The following ADGRG4 variants were observed in gnomAD, a reference collection of about 807,000 sequenced individuals.
ADGRG4 encodes the protein G protein-coupled receptor 112.
In ADGRG4, 122 loss-of-function variants were observed where a neutral mutation model predicts 126.2. That is an observed-to-expected ratio of 0.97 (90% CI 0.83 to 1.12). ADGRG4 has a LOEUF of 1.12. ADGRG4 is among the 50% of genes most tolerant of loss of function. The pLI is 0.00. For missense variants in ADGRG4, 2,481 were observed against 2,251.8 expected, an observed-to-expected ratio of 1.10 and a Z score of -2.06; for synonymous variants, 943 against 838.7, an observed-to-expected ratio of 1.12 and a Z score of -2.15.
rs2075053062 is a variant in ADGRG4, at chrX:136,350,289, C to T, written c.6583C>T (p.Leu2195Phe). The T allele has an allele frequency of 8.3e-7, 1 of 1,209,034 alleles. No individual in the cohort carries two copies. The highest frequency in any genetic ancestry group is 1.7e-5 in the African/African-American group (1 of 57,225). ...TSTVPGASFP[L>F]ISTGVTYPFT... ...CACTGTTCCTGGAGCCTCATTTCCA[C>T]TCATATCCACTGGGGTGACATATCC... Residue 2195 changes from leucine to phenylalanine, a missense_variant, in exon 6 of 26, where the codon CTC becomes TTC. Leu to Phe is a conservative substitution (Grantham distance 22). Transcript: ENST00000394143.
At chrX:136,406,870 C>T (rs776395960) in intron 23 of ADGRG4, among the ~76,000 whole-genome samples, 34 of 107,209 alleles carry the variant, frequency 3.2e-4, no homozygotes, top group African/African-American at 1.1e-3. Context: ...GAGCTATGAT[C>T]GTGCCACTGC....
chrX:136,320,579 G>A (rs1475139103), intron 4 of ADGRG4, among the ~76,000 whole-genome samples: 3 of 111,642 alleles, frequency 2.7e-5, no homozygotes, highest in Non-Finnish European at 5.6e-5. Context: ...TTCTGCTTTT[G>A]TAAATTGCTT....
chrX:136,316,881 A>G (rs1396168670), intron 4 of ADGRG4, among the ~76,000 whole-genome samples: 1 of 111,769 alleles, frequency 8.9e-6, no homozygotes, highest in Non-Finnish European at 1.9e-5. Flanking sequence ...GCAGAGCACG[A>G]GTTCAGTATA....
chrX:136,374,413 A>G (rs2075213268), intron 15 of ADGRG4, among the ~76,000 whole-genome samples: 1 of 110,790 alleles, frequency 9.0e-6, no homozygotes, highest in African/African-American at 3.3e-5. Context: ...TCATAGGTAC[A>G]TGTTTATTAT....
rs2148467389 is a variant in ADGRG4, at chrX:136,347,820, A to G, written c.4114A>G (p.Ile1372Val). ...AGCTCTCCCCTCACAAGCTCTGACAATCACCACTTTTTTGTGTCCTGAAAA... is the reference window on the plus strand; with the variant it reads ...AGCTCTCCCCTCACAAGCTCTGACAGTCACCACTTTTTTGTGTCCTGAAAA... ...KTALPSQALT[I>V]TTFLCPEKES... The change falls in exon 6 of 26, where the codon ATC (isoleucine) becomes GTC (valine). Residue 1372 changes from isoleucine to valine, a missense_variant. Transcript: ENST00000394143. 1 of 1,209,434 alleles carries G rather than the reference A, an allele frequency of 8.3e-7. No homozygotes were observed. The highest frequency in any genetic ancestry group is 1.1e-6 in the Non-Finnish European group (1 of 893,578).
chrX:136,354,329 G>A (rs936638137), intron 8 of ADGRG4, among the ~76,000 whole-genome samples: 2 of 111,841 alleles, frequency 1.8e-5, no homozygotes, highest in African/African-American at 6.5e-5. Context: ...AGATCAAGGT[G>A]TTGGCAGGTT....
At chrX:136,367,924 T>C (rs897901454) in intron 13 of ADGRG4, among the ~76,000 whole-genome samples, 2 of 112,189 alleles carry the variant, frequency 1.8e-5, no homozygotes, top group African/African-American at 6.5e-5. Flanking sequence ...GTGCTCAATG[T>C]TTGTTACCTC....
At chrX:136,338,908 T>C (rs1458731111) in intron 5 of ADGRG4, among the ~76,000 whole-genome samples, 1 of 111,931 alleles carries the variant, frequency 8.9e-6, no homozygotes, top group Admixed American at 9.5e-5. Context: ...TGCTTCCAAA[T>C]ACAACTTAAT....
chrX:136,409,048 GACACACACACACAC>G (rs71995144), intron 23 of ADGRG4, among the ~76,000 whole-genome samples: 4 of 90,882 alleles, frequency 4.4e-5, no homozygotes, highest in Admixed American at 2.5e-4. Context: ...TCAAATTCAA[GACACACACACACAC>G]ACACACACAC....
intron 16 of ADGRG4, among the ~76,000 whole-genome samples, chrX:136,390,593 GAGA>G (rs1199185921): frequency 1.8e-5 from 2 of 111,589 alleles, no homozygotes; most frequent in Non-Finnish European, 3.8e-5. Context: ...ATAGGGCAAA[GAGA>G]AGGAGAGAAG....
chrX:136,381,746 C>T (rs2075265126), intron 15 of ADGRG4, among the ~76,000 whole-genome samples: 1 of 110,744 alleles, frequency 9.0e-6, no homozygotes, highest in African/African-American at 3.3e-5. Context: ...TATTAACTTA[C>T]ATGATCACAA....
At chrX:136,387,594 G>C in intron 15 of ADGRG4, 146 bp from the exon 16 acceptor site, 1 of 488,704 alleles carries the variant, frequency 2.0e-6, no homozygotes, top group Non-Finnish European at 3.5e-6. Flanking sequence ...GTGTGTGTGT[G>C]AAAAGTGTAT....
At chrX:136,356,077 T>G in intron 8 of ADGRG4, 49 bp from the exon 9 acceptor site, 2 of 980,651 alleles carry the variant, frequency 2.0e-6, no homozygotes, top group South Asian at 4.2e-5. Context: ...CCCTGTATAC[T>G]TGGTACTATA....
chrX:136,377,907 C>T (rs760509931), intron 15 of ADGRG4, among the ~76,000 whole-genome samples: 3 of 107,716 alleles, frequency 2.8e-5, no homozygotes, highest in Non-Finnish European at 5.7e-5. Context: ...GTGTTGAAGT[C>T]AGGTAATATG....
In ADGRG4 at chrX:136,345,308, T is replaced by C; in HGVS notation, c.1602T>C (p.Asp534=). The C allele has an allele frequency of 2.5e-6, 3 of 1,210,615 alleles. No individual in the cohort carries two copies. Residue 534 remains aspartate, a synonymous_variant, in exon 6 of 26, where the codon GAT becomes GAC. Coordinates refer to ENST00000394143, the MANE Select transcript of ADGRG4 (RefSeq NM_153834.4). ...AATTGACATCTACAAATTTTCAGGA[T>C]GTCTCTTTACCCAGAGTGGAAGATG... ...ETELTSTNFQ[D]VSLPRVEDAM... is the part of the protein sequence containing the mutation.
Position 136,361,547 on chromosome X carries a change from A to C in ADGRG4, c.7237A>C (p.Arg2413=). 2 of 1,189,243 alleles carry C rather than the reference A, an allele frequency of 1.7e-6. No homozygotes were observed. The part of the protein sequence containing the change: ...LTNPTETAQT[R]CIKNEDGNAT... ...CAACCCTACGGAGACAGCCCAAACCAGATGCATAAAAAATGAGGATGGAAA... is the reference window on the plus strand; with the variant it reads ...CAACCCTACGGAGACAGCCCAAACCCGATGCATAAAAAATGAGGATGGAAA... The change falls in exon 12 of 26, where the codon AGA becomes CGA. Residue 2413 remains arginine, a synonymous_variant. Coordinates refer to ENST00000394143, the MANE Select transcript of ADGRG4 (RefSeq NM_153834.4).
Position 136,345,616 on chromosome X carries a change from G to C in ADGRG4, c.1910G>C (p.Gly637Ala), listed in dbSNP as rs774065130. The C allele has an allele frequency of 8.3e-7, 1 of 1,208,893 alleles. No homozygotes were observed. Among genetic ancestry groups the C allele is most frequent in the African/African-American group, 1.8e-5 (1 of 56,937 alleles). ...SASTSKAPES[G>A]PTSTTDEAAH... Reference sequence around the variant, plus strand: ...TCCACATCCAAGGCACCTGAGTCAGGTCCCACATCCACAACTGATGAAGCT... The same window carrying C: ...TCCACATCCAAGGCACCTGAGTCAGCTCCCACATCCACAACTGATGAAGCT... The change falls in exon 6 of 26, where the codon GGT becomes GCT. Residue 637 changes from glycine to alanine, a missense_variant. Gly to Ala is a moderately conservative substitution (Grantham distance 60). Transcript: ENST00000394143.
chrX:136,344,454 A>G lies in ADGRG4; in HGVS notation c.748A>G (p.Thr250Ala), dbSNP rs772620855. Residue 250 changes from threonine to alanine, a missense_variant, in exon 6 of 26, where the codon ACC becomes GCC. By Grantham distance (58) the Thr-to-Ala change is moderately conservative (BLOSUM62 0). Transcript: ENST00000394143. ...AACTGTTTCACAACAGATAGATATG[A>G]CCACTCCATCCCAAATTACTGGAGT... ...STTVSQQIDM[T>A]TPSQITGVKP... 1.7e-5 allele frequency: 20 copies of G among 1,187,259 alleles called. No homozygotes were observed. Among genetic ancestry groups the G allele is most frequent in the Middle Eastern group, 4.7e-4 (2 of 4,301 alleles).
chrX:136,322,764 C>G lies in ADGRG4; in HGVS notation c.71-14C>G. On this transcript the variant is annotated splice_polypyrimidine_tract_variant and intron_variant, in intron 4 of 25. Coordinates refer to ENST00000394143, the MANE Select transcript of ADGRG4 (RefSeq NM_153834.4). ...TCATTTGTTTTCTCTTTCCCCTCCC[C>G]CAAATTTGGACAGATACACTTTCAC... 8.7e-7 allele frequency: 1 copy of G among 1,155,536 alleles called. No individual in the cohort carries two copies. The highest frequency in any genetic ancestry group is 1.2e-6 in the Non-Finnish European group (1 of 869,381).
Sources: allele counts gnomAD v4.1 joint callset (sites outside exome capture counted in the v4.1 genomes callset), GRCh38; gene constraint gnomAD v4.1.1; transcripts MANE v1.5; gene names NCBI Gene and HGNC (gene_info 2026-07-23, HGNC 2026-07-21).